Variants in COG6 observed in about 807,000 individuals in gnomAD.
The protein encoded by COG6 is component of oligomeric golgi complex 6, also known as conserved oligomeric Golgi complex subunit 6.
In COG6, 74 loss-of-function variants were observed where a neutral mutation model predicts 88.8. The observed-to-expected ratio is 0.83, with a 90% CI of 0.69 to 1.01. COG6 has a LOEUF of 1.01. COG6 is among the 50% of genes least tolerant of loss of function. COG6 has a pLI of 0.00. For synonymous variants in COG6, 286 were observed against 278.7 expected (o/e 1.03, Z -0.26); for missense variants, 800 against 797.9 (o/e 1.00, Z -0.03).
chr13:39,770,154 A>C (rs942435812), intron 18 of COG6, among the ~76,000 whole-genome samples: 3 of 152,182 alleles, frequency 2.0e-5, no homozygotes, highest in African/African-American at 7.2e-5. Context: ...GCAGTTTGGT[A>C]ATTTATCTAA....
At chr13:39,713,432 A>G (rs1477522906) in intron 13 of COG6, among the ~76,000 whole-genome samples, 1 of 152,106 alleles carries the variant, frequency 6.6e-6, no homozygotes, top group African/African-American at 2.4e-5. Context: ...CATTGGAGGG[A>G]CTTCAAAAGA....
intron 18 of COG6, among the ~76,000 whole-genome samples, chr13:39,782,234 C>T (rs1881650784): frequency 6.6e-6 from 1 of 152,166 alleles, no homozygotes; most frequent in Non-Finnish European, 1.5e-5. Flanking sequence ...CTTTCTGCTT[C>T]CAGCCAATAT....
At position 39,689,119 on chromosome 13, in the gene COG6, A is replaced by T. The variant is rs148735317; in HGVS notation, c.1010-641A>T. Among the ~76,000 whole-genome samples, 587 of 152,312 alleles carry T rather than the reference A, an allele frequency of 3.9e-3. 3 individuals are homozygous for T. The highest frequency in any genetic ancestry group is 6.0e-3 in the Non-Finnish European group (407 of 68,028). On this transcript the variant is annotated intron_variant, in intron 10 of 18. Coordinates refer to ENST00000455146, the MANE Select transcript of COG6 (RefSeq NM_020751.3). Reference sequence around the variant, plus strand: ...TTTAAATAAATGTGTTTCCTTAAAGATGTTTTAGAAAAGTATAAGGCAGTA... The same window carrying T: ...TTTAAATAAATGTGTTTCCTTAAAGTTGTTTTAGAAAAGTATAAGGCAGTA...
intron 18 of COG6, among the ~76,000 whole-genome samples, chr13:39,763,890 T>C (rs1419433104): frequency 6.6e-6 from 1 of 151,832 alleles, no homozygotes; most frequent in Non-Finnish European, 1.5e-5. Flanking sequence ...TTAAAGGTCT[T>C]TGTCAGGTTT....
chr13:39,686,802 T>C (rs1208954470), intron 8 of COG6, among the ~76,000 whole-genome samples: 3 of 152,158 alleles, frequency 2.0e-5, no homozygotes, highest in African/African-American at 7.2e-5. Flanking sequence ...CAGTCACTGC[T>C]AACTGCAGCC....
chr13:39,703,047 A>G (rs1281049087), intron 13 of COG6, among the ~76,000 whole-genome samples: 3 of 151,998 alleles, frequency 2.0e-5, no homozygotes, highest in Non-Finnish European at 4.4e-5. Context: ...CAATTTTTCA[A>G]TTTTTCCTGA....
intron 2 of COG6, among the ~76,000 whole-genome samples, chr13:39,660,256 T>G (rs1593403694): frequency 6.6e-6 from 1 of 152,124 alleles, no homozygotes; most frequent in Admixed American, 6.6e-5. Context: ...TGTTCCCAGG[T>G]ATGATCATAG....
chr13:39,746,695 A>T (rs1052208708), intron 18 of COG6, among the ~76,000 whole-genome samples: 32 of 152,338 alleles, frequency 2.1e-4, no homozygotes, highest in African/African-American at 7.2e-4. Flanking sequence ...GGCAGACAAT[A>T]TAGACAGATA....
exon 19 of COG6, chr13:39,789,499 C>A (rs916171130): frequency 6.6e-6 from 1 of 152,168 alleles, no homozygotes; most frequent in Non-Finnish European, 1.5e-5. Flanking sequence ...CACCCTGACT[C>A]ATTCCAATCA....
chr13:39,687,863 T>A, intron 10 of COG6, 64 bp downstream of exon 10: 1 of 1,144,906 alleles, frequency 8.7e-7, no homozygotes. Context: ...TCTCTGTTTC[T>A]GTTCTTGTTG....
chr13:39,723,955 T>G (rs1248245722), intron 16 of COG6, among the ~76,000 whole-genome samples: 1 of 152,014 alleles, frequency 6.6e-6, no homozygotes, highest in Non-Finnish European at 1.5e-5. Flanking sequence ...TATAGAACCC[T>G]AGTAGAAATA....
chr13:39,723,471 A>G (rs1878962986), intron 16 of COG6, 31 bp downstream of exon 16: 1 of 1,240,244 alleles, frequency 8.1e-7, no homozygotes, highest in Non-Finnish European at 1.2e-6. Context: ...TCCTAATTCT[A>G]AGAACATGCC....
Position 39,750,979 on chromosome 13 carries a change from C to T in COG6, c.1860C>T (p.Val620=). ...TCGTAAAACAATCTACAGAATTAGT[C>T]TGCAGAGCCTATGGTGAAGTGTATG... ...EQIVKQSTEL[V]CRAYGEVYAA... is the part of the protein sequence containing the mutation. The change falls in exon 19 of 19, where the codon GTC becomes GTT. Residue 620 remains valine, a synonymous_variant. Coordinates refer to ENST00000455146, the MANE Select transcript of COG6 (RefSeq NM_020751.3). 6.2e-7 allele frequency: 1 copy of T among 1,613,544 alleles called. No individual in the cohort carries two copies. Among genetic ancestry groups the T allele is most frequent in the Non-Finnish European group, 8.5e-7 (1 of 1,179,734 alleles).
intron 18 of COG6, among the ~76,000 whole-genome samples, chr13:39,772,545 A>T (rs1410874414): frequency 6.6e-6 from 1 of 152,114 alleles, no homozygotes; most frequent in African/African-American, 2.4e-5. Flanking sequence ...ACATCAGTTG[A>T]ACTGGTCTTT....
intron 18 of COG6, among the ~76,000 whole-genome samples, chr13:39,778,388 G>A (rs1226314246): frequency 1.3e-5 from 2 of 152,326 alleles, no homozygotes; most frequent in East Asian, 3.9e-4. Context: ...AAGGGACTAT[G>A]TAGCTCATGT....
chr13:39,708,274 ATAC>A (rs1878052504), intron 13 of COG6, among the ~76,000 whole-genome samples: 1 of 152,180 alleles, frequency 6.6e-6, no homozygotes. Context: ...ATGTGTTTGG[ATAC>A]AAGTCCTTTA....
chr13:39,754,816 ACAT>A (rs1455429449), downstream of COG6, among the ~76,000 whole-genome samples: 3 of 152,242 alleles, frequency 2.0e-5, no homozygotes, highest in South Asian at 2.1e-4. Flanking sequence ...TTGTAAATAA[ACAT>A]CATGAAATTT....
intron 13 of COG6, among the ~76,000 whole-genome samples, chr13:39,710,308 AGTTG>A: frequency 6.6e-6 from 1 of 152,030 alleles, no homozygotes; most frequent in South Asian, 2.1e-4. Flanking sequence ...TCTAGTATAG[AGTTG>A]ATTTTGATCG....
In COG6 at chr13:39,677,726, A is replaced by T; in HGVS notation, c.540+147A>T. ...TTGGAAATTTAAGATGTGTATTTTA[A>T]TTATATTTTTCAAAGTAATACATGT... On this transcript the variant is annotated intron_variant, in intron 5 of 18. Coordinates refer to ENST00000455146, the MANE Select transcript of COG6 (RefSeq NM_020751.3). 5 of 569,934 alleles carry T rather than the reference A, an allele frequency of 8.8e-6. No individual in the cohort carries two copies. In the South Asian group the frequency reaches 1.2e-4, roughly 14 times the overall value. The allele number at this position is 569,934 out of a possible 1,614,324, so 35.3% of individuals were successfully genotyped here.
Sources: gnomAD v4.1 joint callset for allele counts (sites outside exome capture counted in the v4.1 genomes callset) on GRCh38, gnomAD v4.1.1 for gene constraint, MANE v1.5 for transcripts, NCBI Gene and HGNC (gene_info 2026-07-23, HGNC 2026-07-21) for gene names.